Variants in SDK2 observed in about 807,000 individuals in gnomAD.
SDK2 encodes the protein sidekick cell adhesion molecule 2, also known as protein sidekick-2.
In SDK2, 105 loss-of-function variants were observed where a neutral mutation model predicts 253.9. That is an observed-to-expected ratio of 0.41 (90% CI 0.35 to 0.49). SDK2 has a LOEUF of 0.49. Among genes scored for constraint, SDK2 ranks in the 20% least tolerant of loss-of-function variants. The pLI, the probability that SDK2 is intolerant of heterozygous loss-of-function variation, is 0.06. For missense variants in SDK2, 2,608 were observed against 3,003.0 expected, an observed-to-expected ratio of 0.87 and a Z score of 3.07; for synonymous variants, 1,249 against 1,234.9, an observed-to-expected ratio of 1.01 and a Z score of -0.24.
chr17:73,408,051 T>C (rs966433371), intron 18 of SDK2, among the ~76,000 whole-genome samples: 7 of 108,674 alleles, frequency 6.4e-5, no homozygotes, highest in Non-Finnish European at 1.3e-4. Flanking sequence ...TATTTCCTTT[T>C]TTTTTTTTTT....
At chr17:73,617,021 G>T (rs2046066936) in intron 1 of SDK2, among the ~76,000 whole-genome samples, 1 of 152,142 alleles carries the variant, frequency 6.6e-6, no homozygotes, top group African/African-American at 2.4e-5. Flanking sequence ...TTTATTGAAT[G>T]AATGAAGGAA....
In SDK2 at chr17:73,639,545, C is replaced by T. The variant is rs1014877291; in HGVS notation, c.64+4480G>A. On this transcript the variant is annotated intron_variant, in intron 1 of 44. Transcript: ENST00000392650. The surrounding 1 kb of genome is among the most constrained non-coding windows in gnomAD (Gnocchi z 4.3). ...CTGGCCCATTTGTTGCTATTGGCAT[C>T]CCAAGGCCCCAAATTATGATGACTA... Among the ~76,000 whole-genome samples, 7 of 152,184 alleles carry T rather than the reference C, an allele frequency of 4.6e-5. No individual in the cohort carries two copies. Among genetic ancestry groups the T allele is most frequent in the Non-Finnish European group, 7.3e-5 (5 of 68,034 alleles).
At chr17:73,505,119 G>A (rs12600925) in intron 2 of SDK2, among the ~76,000 whole-genome samples, 1 of 151,986 alleles carries the variant, frequency 6.6e-6, no homozygotes, top group African/African-American at 2.4e-5. Flanking sequence ...GCATTCTCCC[G>A]ATTGCTTTGT....
intron 1 of SDK2, among the ~76,000 whole-genome samples, chr17:73,566,042 C>T (rs1477988201): frequency 3.3e-5 from 5 of 152,178 alleles, no homozygotes; most frequent in Admixed American, 3.3e-4. Context: ...AGGATGGTCT[C>T]AATCTCCTGA....
intron 17 of SDK2, among the ~76,000 whole-genome samples, chr17:73,415,282 G>A (rs1322455665): frequency 6.6e-6 from 1 of 152,038 alleles, no homozygotes; most frequent in East Asian, 1.9e-4. Context: ...GAACCCAACA[G>A]GCATGGGACT....
chr17:73,483,673 ATATATATATT>A lies in SDK2; in HGVS notation c.225-11465_225-11456del, dbSNP rs1270895005. ...TGTGTGTGTGTGTGTATATATATAT[ATATATATATT>A]TATATATATATATATATATATATAT... On this transcript the variant is annotated intron_variant, in intron 2 of 44. Transcript: ENST00000392650. Among the ~76,000 whole-genome samples, 192 of 71,706 alleles carry A rather than the reference ATATATATATT, an allele frequency of 2.7e-3. 4 individuals are homozygous for A. The highest frequency in any genetic ancestry group is 7.7e-3 in the African/African-American group (118 of 15,318). The allele number at this position is 71,706 out of a possible 152,430, so 47.0% of individuals were successfully genotyped here.
chr17:73,552,467 C>A (rs898468779), intron 1 of SDK2, among the ~76,000 whole-genome samples: 1 of 152,146 alleles, frequency 6.6e-6, no homozygotes, highest in Non-Finnish European at 1.5e-5. Context: ...GCGCAGGGGA[C>A]CCTCCTGAGG....
At chr17:73,378,368 C>A (rs575371875) in intron 36 of SDK2, among the ~76,000 whole-genome samples, 2 of 151,534 alleles carry the variant, frequency 1.3e-5, no homozygotes, top group East Asian at 3.9e-4. Context: ...TCCTAAAGTG[C>A]GGGAATTACA....
intron 5 of SDK2, among the ~76,000 whole-genome samples, chr17:73,442,716 C>T (rs1052437638): frequency 2.6e-5 from 4 of 151,868 alleles, no homozygotes; most frequent in Non-Finnish European, 5.9e-5. Context: ...TGCTCAAATA[C>T]GTGTGTTAAG....
intron 2 of SDK2, among the ~76,000 whole-genome samples, chr17:73,477,190 A>G (rs1350406079): frequency 6.6e-6 from 1 of 152,026 alleles, no homozygotes; most frequent in Admixed American, 6.5e-5. Flanking sequence ...AACAGCACTC[A>G]TTATCCCCAA....
At chr17:73,623,475 T>TGAGGG (rs1318571702) in intron 1 of SDK2, among the ~76,000 whole-genome samples, 1 of 151,650 alleles carries the variant, frequency 6.6e-6, no homozygotes, top group Non-Finnish European at 1.5e-5. Context: ...AAGGAAGGAG[T>TGAGGG]GAGGGGGAGG....
At chr17:73,499,520 C>T (rs1244901360) in intron 2 of SDK2, among the ~76,000 whole-genome samples, 1 of 152,254 alleles carries the variant, frequency 6.6e-6, no homozygotes, top group Admixed American at 6.5e-5. Context: ...GTCTCACACC[C>T]TCACGCTTGC....
chr17:73,379,623 T>G lies in SDK2; in HGVS notation c.4763-74A>C, dbSNP rs1599502195. 9 of 890,062 alleles carry G rather than the reference T, an allele frequency of 1.0e-5. No individual in the cohort carries two copies. The highest frequency in any genetic ancestry group is 1.2e-5 in the Non-Finnish European group (7 of 565,300). The allele number at this position is 890,062 out of a possible 1,614,324, so 55.1% of individuals were successfully genotyped here. Reference sequence around the variant, plus strand: ...GCTGGGAAGGTGTCCCCAGGGAGGGTGGAGGCTGCAGGGGGAGGAATGAGG... The same window carrying G: ...GCTGGGAAGGTGTCCCCAGGGAGGGGGGAGGCTGCAGGGGGAGGAATGAGG... On this transcript the variant is annotated intron_variant, in intron 34 of 44. Transcript: ENST00000392650. This position sits in a 1 kb window ranked among gnomAD's most constrained non-coding sequence, Gnocchi z 4.5.
At chr17:73,444,268 G>T (rs560341947) in intron 5 of SDK2, among the ~76,000 whole-genome samples, 1 of 152,122 alleles carries the variant, frequency 6.6e-6, no homozygotes, top group Non-Finnish European at 1.5e-5. Context: ...ATTTCATGGC[G>T]TGGCTCCCTG....
At chr17:73,493,899 C>T (rs1228397415) in intron 2 of SDK2, among the ~76,000 whole-genome samples, 4 of 152,172 alleles carry the variant, frequency 2.6e-5, no homozygotes, top group South Asian at 4.1e-4. Context: ...ATGTCCTCCC[C>T]GTCCCACCTA....
At position 73,612,379 on chromosome 17, in the gene SDK2, C is replaced by T. The variant is rs765595867; in HGVS notation, c.64+31646G>A. The stretch of plus-strand genomic sequence containing the variant: ...GCAGGCTGGCCCCGCACAGTCCCCA[C>T]CCTCACCGGGTCCCTGTGGCCCAGC... On this transcript the variant is annotated intron_variant, in intron 1 of 44. Transcript: ENST00000392650. The surrounding 1 kb of genome is among the most constrained non-coding windows in gnomAD (Gnocchi z 4.4). Among the ~76,000 whole-genome samples, 2 of 152,020 alleles carry T rather than the reference C, an allele frequency of 1.3e-5. No individual in the cohort carries two copies. The highest frequency in any genetic ancestry group is 2.4e-5 in the African/African-American group (1 of 41,402).
At position 73,455,427 on chromosome 17, in the gene SDK2, C is replaced by T. The variant is rs961846950; in HGVS notation, c.479+479G>A. Among the ~76,000 whole-genome samples the T allele has an allele frequency of 1.3e-5, 2 of 152,110 alleles. No individual in the cohort carries two copies. Among genetic ancestry groups the T allele is most frequent in the African/African-American group, 4.8e-5 (2 of 41,420 alleles). Reference sequence around the variant, plus strand: ...GTGTGTTTCTCTGCCCAGGGCTTCCCTGGCCACACCTCCGCCGCACAGCCA... The same window carrying T: ...GTGTGTTTCTCTGCCCAGGGCTTCCTTGGCCACACCTCCGCCGCACAGCCA... On this transcript the variant is annotated intron_variant, in intron 4 of 44. Coordinates refer to ENST00000392650, the MANE Select transcript of SDK2 (RefSeq NM_001144952.2). This position sits in a 1 kb window ranked among gnomAD's most constrained non-coding sequence, Gnocchi z 5.0.
At position 73,644,210 on chromosome 17, in the gene SDK2, G is replaced by T. The variant is rs1386443687; in HGVS notation, c.-122C>A. ...AAACAGTCAGTCTACGCGGCTCCGT[G>T]CCCCGGGGTGTAATATGCCCGGGAG... On this transcript the variant is annotated 5_prime_UTR_variant, in exon 1 of 45. Transcript: ENST00000392650. The surrounding 1 kb of genome is among the most constrained non-coding windows in gnomAD (Gnocchi z 6.3). The T allele has an allele frequency of 1.4e-5, 11 of 786,072 alleles. No individual in the cohort carries two copies. The East Asian group carries it at 2.8e-4, about 20-fold the overall frequency. 48.7% of individuals were successfully genotyped at this position (786,072 alleles called of 1,614,324 possible).
intron 44 of SDK2, among the ~76,000 whole-genome samples, chr17:73,348,265 T>A (rs1235239471): frequency 6.6e-6 from 1 of 152,060 alleles, no homozygotes; most frequent in Non-Finnish European, 1.5e-5. Context: ...CTCCCCAGAG[T>A]CTCCCTCTCC....
Sources: gnomAD v4.1 joint callset for allele counts (sites outside exome capture counted in the v4.1 genomes callset) on GRCh38, gnomAD v4.1.1 for gene constraint, Gnocchi (gnomAD v3.1) non-coding constraint, MANE v1.5 for transcripts, NCBI Gene and HGNC (gene_info 2026-07-23, HGNC 2026-07-21) for gene names.